The following ITIH6 variants were observed in gnomAD, a reference collection of about 807,000 sequenced individuals.
ITIH6 encodes inter-alpha-trypsin inhibitor heavy chain family member 6, also known as inter-alpha-trypsin inhibitor heavy chain H6.
Under a neutral mutation model 58.2 loss-of-function variants are expected in ITIH6, and 60 were observed. The ratio of observed to expected loss-of-function variants is 1.03; its 90% confidence interval spans 0.84 to 1.28. The LOEUF is 1.28. Among genes scored for constraint, ITIH6 ranks in the 50% most tolerant of loss-of-function variants. The pLI is 0.00. For missense variants in ITIH6, 1,290 were observed against 1,021.1 expected (o/e 1.26, Z -3.59); for synonymous variants, 493 against 417.4 (o/e 1.18, Z -2.21).
At chrX:54,772,139 C>T (rs1312917782) in intron 6 of ITIH6, among the ~76,000 whole-genome samples, 3 of 112,251 alleles carry the variant, frequency 2.7e-5, no homozygotes, top group Admixed American at 1.9e-4. Flanking sequence ...AAATGTGGTA[C>T]ATATACACCA....
rs753974149 is a variant in ITIH6 at position 54,758,778 on chromosome X, A to G, written c.1296T>C (p.Asp432=). ...GGCGGCGCAGCAGTGTAAAGTCAGC[A>G]TCATCCCCAAAGGCCAAGCTGAAAA... ...VSLFSLAFGD[D]ADFTLLRRLS... is the part of the protein sequence containing the mutation. Residue 432 remains aspartate, a synonymous_variant, in exon 8 of 13, where the codon GAT becomes GAC. Transcript: ENST00000218436. 1.1e-5 allele frequency: 13 copies of G among 1,207,881 alleles called. No homozygotes were observed. In the East Asian group the frequency reaches 3.3e-4, roughly 30 times the overall value.
chrX:54,763,697 T>C (rs1249251926), intron 6 of ITIH6, among the ~76,000 whole-genome samples: 4 of 112,011 alleles, frequency 3.6e-5, no homozygotes, highest in African/African-American at 1.3e-4. Context: ...TAATTGATGG[T>C]GCTGTTCAGT....
At chrX:54,789,524 C>T (rs1422718728) in intron 4 of ITIH6, among the ~76,000 whole-genome samples, 2 of 111,753 alleles carry the variant, frequency 1.8e-5, no homozygotes, top group Non-Finnish European at 3.8e-5. Flanking sequence ...TCTGTTTTAA[C>T]CTTTAAGGAG....
chrX:54,754,141 T>C (rs1214640064), intron 9 of ITIH6, among the ~76,000 whole-genome samples, 176 bp from the exon 10 acceptor site: 1 of 112,138 alleles, frequency 8.9e-6, no homozygotes, highest in Non-Finnish European at 1.9e-5. Flanking sequence ...CAAACTATTG[T>C]TATGAGTGTC....
In ITIH6 at chrX:54,758,575, C is replaced by A. The variant is rs755287732; in HGVS notation, c.1499G>T (p.Gly500Val). 3 of 1,210,703 alleles carry A rather than the reference C, an allele frequency of 2.5e-6. No homozygotes were observed. The highest frequency in any genetic ancestry group is 3.0e-5 in the East Asian group (1 of 33,802). Residue 500 changes from glycine to valine, a missense_variant, in exon 8 of 13, where the codon GGC becomes GTC. Transcript: ENST00000218436. ...CTGTCCTGCCACCACCAGCTCAGAG[C>A]CACCAAAGTAGTTGGGGAAAACGGC... ...PWAVFPNYFG[G>V]SELVVAGQVQ...
chrX:54,770,862 C>A (rs777840037), intron 6 of ITIH6, among the ~76,000 whole-genome samples: 6 of 112,188 alleles, frequency 5.3e-5, no homozygotes, highest in Non-Finnish European at 1.1e-4. Context: ...TGTAGAACTT[C>A]TTTTAACATT....
At chrX:54,751,475 G>T in intron 11 of ITIH6, 95 bp from the exon 12 acceptor site, 1 of 1,017,248 alleles carries the variant, frequency 9.8e-7, no homozygotes, top group Non-Finnish European at 1.3e-6. Context: ...GTGCAGATTT[G>T]TGGCTAGAGG....
chrX:54,758,286 G>T lies in ITIH6; in HGVS notation c.1788C>A (p.Ser596=). Residue 596 remains serine, a synonymous_variant, in exon 8 of 13, where the codon TCC becomes TCA. Coordinates refer to ENST00000218436, the MANE Select transcript of ITIH6 (RefSeq NM_198510.3). ...GAGGTGTGACAAAGTTGTATTCAAG[G>T]GACAGGTTGAGGACTTTGGCAGCCA... The part of the protein sequence containing the change: ...HLLAAKVLNL[S]LEYNFVTPLT... The T allele has an allele frequency of 8.3e-7, 1 of 1,211,530 alleles. No homozygotes were observed. The highest frequency in any genetic ancestry group is 1.1e-6 in the Non-Finnish European group (1 of 895,252).
intron 5 of ITIH6, among the ~76,000 whole-genome samples, chrX:54,783,314 A>G (rs1929180646): frequency 8.9e-6 from 1 of 112,009 alleles, no homozygotes; most frequent in African/African-American, 3.3e-5. Flanking sequence ...CTGTTATTCC[A>G]CAAAGTACTG....
chrX:54,792,091 T>G lies in ITIH6; in HGVS notation c.258-55A>C, dbSNP rs1602068025. 7 of 870,921 alleles carry G rather than the reference T, an allele frequency of 8.0e-6. No homozygotes were observed. The East Asian group carries it at 2.2e-4, about 27-fold the overall frequency. The allele number at this position is 870,921 out of a possible 1,213,427, so 71.8% of individuals were successfully genotyped here. On this transcript the variant is annotated intron_variant, in intron 2 of 12. Transcript: ENST00000218436. ...AGAGACAGAGAAAATAAAGAGTTGGTCAGAGACAGAGAAAGAGACACATGA... is the reference window on the plus strand; with the variant it reads ...AGAGACAGAGAAAATAAAGAGTTGGGCAGAGACAGAGAAAGAGACACATGA...
intron 5 of ITIH6, among the ~76,000 whole-genome samples, chrX:54,780,521 A>C (rs989245330): frequency 1.8e-5 from 2 of 112,130 alleles, no homozygotes; most frequent in Non-Finnish European, 3.8e-5. Flanking sequence ...CAGCAAAAGC[A>C]GTTCTCAGAG....
chrX:54,788,532 T>A lies in ITIH6; in HGVS notation c.734A>T (p.Asp245Val), dbSNP rs759179266. The A allele has an allele frequency of 1.3e-5, 16 of 1,210,525 alleles. No homozygotes were observed. In the South Asian group the frequency reaches 2.6e-4, roughly 20 times the overall value. ...SSISGSGIMA[D>V]FLVQYDVVME... ...GACCACATCGTACTGAACCAGGAAG[T>A]CAGCCATGATGCCTGACCCAGAGAT... Residue 245 changes from aspartate to valine, a missense_variant, in exon 5 of 13, where the codon GAC (aspartate) becomes GTC (valine). Physicochemically the swap from Asp to Val is radical, Grantham distance 152. Coordinates refer to ENST00000218436, the MANE Select transcript of ITIH6 (RefSeq NM_198510.3).
intron 5 of ITIH6, among the ~76,000 whole-genome samples, chrX:54,778,812 C>CA (rs750358621): frequency 7.0e-4 from 78 of 110,875 alleles, no homozygotes; most frequent in Non-Finnish European, 1.2e-3. Context: ...AGATTTTACC[C>CA]AAAAAAGACT....
rs747300187 is a variant in ITIH6, at chrX:54,777,697, A to G, written c.787-3500T>C. 5.3e-5 allele frequency among the ~76,000 whole-genome samples: 6 copies of G among 112,726 alleles called. No individual in the cohort carries two copies. In the East Asian group the frequency reaches 1.7e-3, roughly 32 times the overall value. Reference sequence around the variant, plus strand: ...AAAGAATTCTCCCAGATATTGTCCAAGACCATCAAGACAATACTTCTATGA... The same window carrying G: ...AAAGAATTCTCCCAGATATTGTCCAGGACCATCAAGACAATACTTCTATGA... On this transcript the variant is annotated intron_variant, in intron 5 of 12. Coordinates refer to ENST00000218436, the MANE Select transcript of ITIH6 (RefSeq NM_198510.3).
chrX:54,783,040 A>G (rs1440461144), intron 5 of ITIH6, among the ~76,000 whole-genome samples: 1 of 112,723 alleles, frequency 8.9e-6, no homozygotes, highest in Non-Finnish European at 1.9e-5. Context: ...CAATATATGC[A>G]AAGCAATCAA....
At chrX:54,794,322 AT>A (rs1201206706) in intron 2 of ITIH6, among the ~76,000 whole-genome samples, 2 of 110,171 alleles carry the variant, frequency 1.8e-5, no homozygotes, top group East Asian at 2.9e-4. Context: ...GCTTTGCTTA[AT>A]TTTTTTTAAA....
At chrX:54,759,584 G>A (rs939490688) in intron 7 of ITIH6, among the ~76,000 whole-genome samples, 172 bp downstream of exon 7, 1 of 112,256 alleles carries the variant, frequency 8.9e-6, no homozygotes, top group African/African-American at 3.2e-5. Flanking sequence ...CTTTCTACAA[G>A]GAAAGGGTGA....
At chrX:54,768,959 T>C (rs1042167034) in intron 6 of ITIH6, among the ~76,000 whole-genome samples, 17 of 109,603 alleles carry the variant, frequency 1.6e-4, no homozygotes, top group African/African-American at 5.8e-4. Context: ...TCCTGGATAA[T>C]ATCCTGCAGA....
intron 6 of ITIH6, among the ~76,000 whole-genome samples, chrX:54,762,642 C>G (rs1323233702): frequency 2.7e-5 from 3 of 112,144 alleles, no homozygotes; most frequent in Admixed American, 9.5e-5. Context: ...CCTTAAGTTG[C>G]CAACCCTGAC....
Sources: gnomAD v4.1 joint callset for allele counts (sites outside exome capture counted in the v4.1 genomes callset) on GRCh38, gnomAD v4.1.1 for gene constraint, MANE v1.5 for transcripts, NCBI Gene and HGNC (gene_info 2026-07-23, HGNC 2026-07-21) for gene names.